ATG9B: variants seen among roughly 807,000 people sequenced by gnomAD.
ATG9B encodes autophagy-related protein 9B.
In ATG9B, 92 loss-of-function variants were observed where a neutral mutation model predicts 92.9. The ratio of observed to expected loss-of-function variants is 0.99; its 90% CI spans 0.84 to 1.18. ATG9B has a LOEUF of 1.18. Among genes scored for constraint, ATG9B ranks in the 50% most tolerant of loss-of-function variants. ATG9B has a pLI of 0.00. For synonymous variants in ATG9B, 599 were observed against 551.4 expected, an observed-to-expected ratio of 1.09 and a Z score of -1.21; for missense variants, 1,344 against 1,235.0, an observed-to-expected ratio of 1.09 and a Z score of -1.32.
At chr7:151,013,934 C>G (rs761102418), downstream of ATG9B, 12 of 1,597,878 alleles carry the variant, frequency 7.5e-6, no homozygotes, top group African/African-American at 1.3e-5. Context: ...GAGGGGCGGG[C>G]CGGGCCTGAG....
At chr7:151,014,213 C>A (rs199762416), downstream of ATG9B, 5 of 1,552,546 alleles carry the variant, frequency 3.2e-6, no homozygotes, top group South Asian at 5.8e-5. Flanking sequence ...AGCGGCTGCC[C>A]GACTCAGGTC....
chr7:151,015,771 C>A lies in ATG9B; in HGVS notation c.*15-58G>T, dbSNP rs879464584. On this transcript the variant is annotated intron_variant, in intron 13 of 13. Transcript: ENST00000639579. ...CAGGGGTCTAGATTCCAGAGATGACCACCTCCCATCACCCCAAATTCCCAC... is the reference window on the plus strand; with the variant it reads ...CAGGGGTCTAGATTCCAGAGATGACAACCTCCCATCACCCCAAATTCCCAC... 2.4e-5 allele frequency: 33 copies of A among 1,379,778 alleles called. No individual in the cohort carries two copies. In the Admixed American group the frequency reaches 6.8e-4, roughly 28 times the overall value. 85.5% of individuals were successfully genotyped at this position (1,379,778 alleles called of 1,614,324 possible). A position where few individuals can be genotyped will look rare whatever the true frequency, so the allele number is the denominator to read the frequency against.
Position 151,017,080 on chromosome 7 carries a change from C to T in ATG9B, c.2245G>A (p.Gly749Ser), listed in dbSNP as rs61733329. 2.4e-3 allele frequency: 3,813 copies of T among 1,607,570 alleles called. 117 individuals carry two copies. The East Asian group carries it at 0.055, about 23-fold the overall frequency. ...AAAWGATSARGPSTPGVLSNC... is the reference protein window; with the variant it reads ...AAAWGATSARSPSTPGVLSNC... ...CTGAGCACCCCCGGGGTGGAGGGGCCGCGAGCCGAGGTGGCACCCCAGGCA... is the reference window on the plus strand; with the variant it reads ...CTGAGCACCCCCGGGGTGGAGGGGCTGCGAGCCGAGGTGGCACCCCAGGCA... Residue 749 changes from glycine to serine, a missense_variant, in exon 9 of 14, where the codon GGC (glycine) becomes AGC (serine). By Grantham distance (56) the Gly-to-Ser change is moderately conservative. Transcript: ENST00000639579.
intron 5 of ATG9B, 177 bp downstream of exon 5, chr7:151,021,011 T>C (rs907642896): frequency 5.7e-6 from 4 of 698,458 alleles, no homozygotes; most frequent in East Asian, 2.6e-5. Context: ...CCATGCTCTC[T>C]AGGTGGTGGT....
chr7:151,018,835 C>T lies in ATG9B; in HGVS notation c.1503G>A (p.Ala501=). The T allele has an allele frequency of 1.5e-6, 2 of 1,293,018 alleles. No homozygotes were observed. The highest frequency in any genetic ancestry group is 2.0e-6 in the Non-Finnish European group (2 of 1,024,100). 80.1% of individuals were successfully genotyped at this position (1,293,018 alleles called of 1,614,324 possible). A position where few individuals can be genotyped will look rare whatever the true frequency, so the allele number is the denominator to read the frequency against. The change falls in exon 6 of 14, where the codon GCG becomes GCA. Residue 501 remains alanine, a synonymous_variant. Transcript: ENST00000639579. The surrounding 1 kb of genome is among the most constrained non-coding windows in gnomAD (Gnocchi z 4.7). ...CGGGGCGGTAGGCGCGGGCCAGGCG[C>T]GCGCGCAGCTCGTGCGGCAGCTCGT... is the stretch of plus-strand genomic sequence containing the variant. ...HFNELPHELR[A]RLARAYRPAA... is the part of the protein sequence containing the mutation.
chr7:151,013,957 C>T, downstream of ATG9B: 1 of 1,604,914 alleles, frequency 6.2e-7, no homozygotes, highest in Non-Finnish European at 8.5e-7. Context: ...TGCGGGGTTC[C>T]TGCTAAGGTC....
chr7:151,016,127 G>C lies in ATG9B; in HGVS notation c.2629C>G (p.Pro877Ala). The change falls in exon 12 of 14, where the codon CCA becomes GCA. Residue 877 changes from proline to alanine, a missense_variant. Transcript: ENST00000639579. Reference protein sequence around the residue: ...SQPPSPDEEKPSWSSDGSSPA... With the variant: ...SQPPSPDEEKASWSSDGSSPA... ...TCCTCACCGTCACTTGACCAGGATG[G>C]CTTCTCCTCATCAGGCGAGGGTGGC... The C allele has an allele frequency of 6.5e-7, 1 of 1,539,624 alleles. No homozygotes were observed. The highest frequency in any genetic ancestry group is 2.5e-5 in the East Asian group (1 of 40,768).
At chr7:151,013,141 C>A, downstream of ATG9B, 1 of 1,433,586 alleles carries the variant, frequency 7.0e-7, no homozygotes, top group Non-Finnish European at 9.5e-7. Context: ...AAACGCTGGG[C>A]TGCCAGGCTG....
chr7:151,016,636 G>A, intron 10 of ATG9B, 52 bp downstream of exon 10: 3 of 1,547,328 alleles, frequency 1.9e-6, no homozygotes, highest in Non-Finnish European at 2.6e-6. Flanking sequence ...ACTCCTACAG[G>A]ATCAGCCCAC....
chr7:151,016,180 A>T lies in ATG9B; in HGVS notation c.2576T>A (p.Leu859Gln). The T allele has an allele frequency of 6.5e-7, 1 of 1,530,754 alleles. No homozygotes were observed. Among genetic ancestry groups the T allele is most frequent in the East Asian group, 2.5e-5 (1 of 40,662 alleles). The allele number at this position is 1,530,754 out of a possible 1,614,324, so 94.8% of individuals were successfully genotyped here. ...TGAGGGGCTGGAGCAGGGCCTGGACAGGATGGAGGCTGCAGCCTCACCCCA... is the reference window on the plus strand; with the variant it reads ...TGAGGGGCTGGAGCAGGGCCTGGACTGGATGGAGGCTGCAGCCTCACCCCA... ...EPWGEAAASI[L>Q]SRPCSSPSQP... Residue 859 changes from leucine to glutamine, a missense_variant, in exon 12 of 14, where the codon CTG (leucine) becomes CAG (glutamine). Transcript: ENST00000639579.
intron 2 of ATG9B, 42 bp downstream of exon 2, chr7:151,023,645 G>A (rs957606674): frequency 1.9e-6 from 3 of 1,612,762 alleles, no homozygotes; most frequent in Admixed American, 3.3e-5. Flanking sequence ...GCTCCAAGAG[G>A]ACCTTCCCAT....
At chr7:151,013,607 C>A, downstream of ATG9B, 1 of 1,083,508 alleles carries the variant, frequency 9.2e-7, no homozygotes, top group Non-Finnish European at 1.3e-6. Flanking sequence ...CCCCAGGGCA[C>A]GCAGGCCCCA....
In ATG9B at chr7:151,024,054, G is replaced by A. The variant is rs371332824; in HGVS notation, c.370C>T (p.Pro124Ser). ...WGSHSTPPLA[P>S]ATPTPSQQCP... ...TGCTGTGAGGGAGTGGGGGTTGCCGGGGCCAGGGGTGGGGTGGAGTGGGAT... is the reference window on the plus strand; with the variant it reads ...TGCTGTGAGGGAGTGGGGGTTGCCGAGGCCAGGGGTGGGGTGGAGTGGGAT... Residue 124 changes from proline to serine, a missense_variant, in exon 1 of 14, where the codon CCG becomes TCG. Physicochemically the swap from Pro to Ser is moderately conservative, Grantham distance 74. Coordinates refer to ENST00000639579, the MANE Select transcript of ATG9B (RefSeq NM_001317056.2). 1.4e-5 allele frequency: 22 copies of A among 1,590,802 alleles called. No homozygotes were observed. The highest frequency in any genetic ancestry group is 6.7e-5 in the African/African-American group (5 of 74,630).
chr7:151,016,901 TA>T, intron 9 of ATG9B, 80 bp from the exon 10 acceptor site: 1 of 1,538,000 alleles, frequency 6.5e-7, no homozygotes. Context: ...AGCAGAGGCC[TA>T]AAGAAGGCAG....
At position 151,018,860 on chromosome 7, in the gene ATG9B, T is replaced by G; in HGVS notation, c.1478A>C (p.Asn493Thr). The G allele has an allele frequency of 7.5e-7, 1 of 1,329,390 alleles. No individual in the cohort carries two copies. The highest frequency in any genetic ancestry group is 9.6e-7 in the Non-Finnish European group (1 of 1,044,530). 82.3% of individuals were successfully genotyped at this position (1,329,390 alleles called of 1,614,324 possible). The change falls in exon 6 of 14, where the codon AAC becomes ACC. Residue 493 changes from asparagine (N) to threonine (T), a missense_variant. Transcript: ENST00000639579. The surrounding 1 kb of genome is among the most constrained non-coding windows in gnomAD (Gnocchi z 4.7). ...RLARLQLRHF[N>T]ELPHELRARL... ...CGCGCGCAGCTCGTGCGGCAGCTCG[T>G]TGAAGTGGCGCAGCTGCAAGCGCGC...
chr7:151,023,075 G>C lies in ATG9B; in HGVS notation c.791C>G (p.Ala264Gly). 1 of 1,614,128 alleles carries C rather than the reference G, an allele frequency of 6.2e-7. No individual in the cohort carries two copies. Among genetic ancestry groups the C allele is most frequent in the African/African-American group, 1.3e-5 (1 of 75,026 alleles). The change falls in exon 4 of 14, where the codon GCC becomes GGC. Residue 264 changes from alanine (A) to glycine (G), a missense_variant. Coordinates refer to ENST00000639579, the MANE Select transcript of ATG9B (RefSeq NM_001317056.2). The part of the protein sequence containing the change: ...PFHSKVTLSD[A>G]ILPSAQCAER... ...AGCACACTGGGCTGAGGGTAGGATG[G>C]CATCTGACAGGGTCACTTTGCTGTG... is the stretch of plus-strand genomic sequence containing the variant.
In ATG9B at chr7:151,019,173, C is replaced by T. The variant is rs746571659; in HGVS notation, c.1165G>A (p.Ala389Thr). The T allele has an allele frequency of 5.2e-6, 8 of 1,536,824 alleles. No homozygotes were observed. The South Asian group carries it at 5.9e-5, about 11-fold the overall frequency. ...GCCAGGCCGCGGCTGAGGAAAGCCG[C>T]ACTGCCTCCCCAGGGCAGCGGGCAG... ...ARCPLPWGGS[A>T]AFLSRGLALN... Residue 389 changes from alanine (A) to threonine (T), a missense_variant, in exon 6 of 14, where the codon GCG becomes ACG. Ala to Thr is a moderately conservative substitution (Grantham distance 58). Transcript: ENST00000639579.
chr7:151,013,706 A>G (rs1351576492), downstream of ATG9B: 1 of 1,568,116 alleles, frequency 6.4e-7, no homozygotes, highest in Non-Finnish European at 8.6e-7. Context: ...GGCCCGCCCT[A>G]ACCCCGCCGC....
In ATG9B at chr7:151,017,211, T is replaced by G; in HGVS notation, c.2114A>C (p.Glu705Ala). The part of the protein sequence containing the change: ...LSQRAEDGKT[E>A]LSLMRFSLAH... ...CAGGGAGAACCGCATCAAAGAAAGC[T>G]CAGTCTTGCCGTCCTCCGCACGCTG... The change falls in exon 9 of 14, where the codon GAG (glutamate) becomes GCG (alanine). Residue 705 changes from glutamate (E) to alanine (A), a missense_variant. By Grantham distance (107) the Glu-to-Ala change is moderately radical (BLOSUM62 -1). Transcript: ENST00000639579. 1 of 1,612,586 alleles carries G rather than the reference T, an allele frequency of 6.2e-7. No individual in the cohort carries two copies. Among genetic ancestry groups the G allele is most frequent in the Non-Finnish European group, 8.5e-7 (1 of 1,179,414 alleles).
Sources: gnomAD v4.1 joint callset for allele counts on GRCh38, gnomAD v4.1.1 for gene constraint, Gnocchi (gnomAD v3.1) non-coding constraint, MANE v1.5 for transcripts, NCBI Gene and HGNC (gene_info 2026-07-23, HGNC 2026-07-21) for gene names.